Variants in RASAL2 observed in about 807,000 individuals in gnomAD.
RASAL2 encodes RAS protein activator like 2.
RASAL2 carries 58 observed loss-of-function variants against 128.9 expected under a neutral mutation model. That is an observed-to-expected ratio of 0.45 (90% confidence interval 0.36 to 0.56). RASAL2 has a LOEUF of 0.56. Among genes scored for constraint, RASAL2 ranks in the 20% least tolerant of loss-of-function variants. The pLI, the probability that RASAL2 is intolerant of heterozygous loss-of-function variation, is 0.00. For synonymous variants in RASAL2, 561 were observed against 580.8 expected, an observed-to-expected ratio of 0.97 and a Z score of 0.49; for missense variants, 1,360 against 1,601.6, an observed-to-expected ratio of 0.85 and a Z score of 2.57.
At chr1:178,158,959 A>G (rs1661180479) in intron 1 of RASAL2, among the ~76,000 whole-genome samples, 2 of 152,202 alleles carry the variant, frequency 1.3e-5, no homozygotes. Context: ...GATGACTTCT[A>G]GATGCTCAGG....
In RASAL2 at chr1:178,451,721, C is replaced by T; in HGVS notation, c.1772+6C>T. ...AAGATCATCAACTCTTACTGGTGAG[C>T]TTATCTTATCCTCTGCCTTACATTT... On this transcript the variant is annotated splice_donor_region_variant and intron_variant, in intron 10 of 17. Coordinates refer to ENST00000367649, the MANE Select transcript of RASAL2 (RefSeq NM_170692.4). 1 of 1,611,834 alleles carries T rather than the reference C, an allele frequency of 6.2e-7. No homozygotes were observed. Among genetic ancestry groups the T allele is most frequent in the South Asian group, 1.1e-5 (1 of 90,700 alleles).
Position 178,419,384 on chromosome 1 carries a change from C to A in RASAL2, c.565-1127C>A, listed in dbSNP as rs1674988465. ...GAACTCCTGAGTTCAAGCAATCCTC[C>A]CACATCATCCTCCTGAGTAGCTGGG... On this transcript the variant is annotated intron_variant, in intron 4 of 17. Transcript: ENST00000367649. Among the ~76,000 whole-genome samples, 3 of 152,234 alleles carry A rather than the reference C, an allele frequency of 2.0e-5. No homozygotes were observed. In the South Asian group the frequency reaches 6.2e-4, roughly 32 times the overall value.
At chr1:178,163,392 A>T (rs1197139654) in intron 1 of RASAL2, among the ~76,000 whole-genome samples, 1 of 152,132 alleles carries the variant, frequency 6.6e-6, no homozygotes, top group Non-Finnish European at 1.5e-5. Flanking sequence ...CCAAGGTCAA[A>T]CAGAATTGTG....
At chr1:178,473,016 A>T in intron 17 of RASAL2, 59 bp from the exon 18 acceptor site, 1 of 1,582,172 alleles carries the variant, frequency 6.3e-7, no homozygotes, top group Non-Finnish European at 8.7e-7. Context: ...TCATTCAGTA[A>T]AGAAAGCGTG....
chr1:178,124,668 C>T (rs1043751389), intron 1 of RASAL2, among the ~76,000 whole-genome samples: 6 of 152,018 alleles, frequency 3.9e-5, no homozygotes, highest in Non-Finnish European at 8.8e-5. Flanking sequence ...CTTTCAACAG[C>T]TTTAGTAAGA....
chr1:178,278,514 A>G (rs78432550), intron 1 of RASAL2, among the ~76,000 whole-genome samples: 9,381 of 152,252 alleles, frequency 0.062, 364 homozygotes, highest in Middle Eastern at 0.088. Context: ...TACCAATTGC[A>G]TTTAACATAT....
intron 1 of RASAL2, among the ~76,000 whole-genome samples, chr1:178,245,973 TGTA>T (rs1041919129): frequency 2.6e-5 from 4 of 152,188 alleles, no homozygotes; most frequent in Non-Finnish European, 4.4e-5. Flanking sequence ...ACTGTAGCCT[TGTA>T]GTATAGTTTG....
intron 5 of RASAL2, among the ~76,000 whole-genome samples, chr1:178,438,701 G>C (rs892848885): frequency 6.6e-6 from 1 of 151,974 alleles, no homozygotes; most frequent in Non-Finnish European, 1.5e-5. Context: ...TCTTCTAGAT[G>C]AGAGTTTGGG....
chr1:178,351,448 T>TA (rs531171785), intron 3 of RASAL2, among the ~76,000 whole-genome samples: 55 of 152,252 alleles, frequency 3.6e-4, no homozygotes, highest in Non-Finnish European at 6.6e-4. Flanking sequence ...ACTTCCAAGA[T>TA]ACAATGAAAG....
chr1:178,386,686 A>G (rs12022646), intron 3 of RASAL2, among the ~76,000 whole-genome samples: 15,374 of 152,288 alleles, frequency 0.1, 817 homozygotes, highest in Middle Eastern at 0.14. Context: ...TATCTGAAAC[A>G]ATACTGTATC....
At chr1:178,366,978 G>A (rs1431982679) in intron 3 of RASAL2, among the ~76,000 whole-genome samples, 1 of 152,096 alleles carries the variant, frequency 6.6e-6, no homozygotes, top group African/African-American at 2.4e-5. Flanking sequence ...CCATGAAAAT[G>A]TTCTGTAATT....
chr1:178,236,756 CTTTTTT>C (rs549848632), intron 1 of RASAL2, among the ~76,000 whole-genome samples: 1 of 118,428 alleles, frequency 8.4e-6, no homozygotes, highest in Non-Finnish European at 1.7e-5. Flanking sequence ...TTGGACACTA[CTTTTTT>C]TTTTTTTTTT....
intron 3 of RASAL2, among the ~76,000 whole-genome samples, chr1:178,338,730 A>G (rs895236700): frequency 5.9e-5 from 9 of 152,230 alleles, no homozygotes; most frequent in South Asian, 2.1e-4. Flanking sequence ...AGCACTTACT[A>G]TGTGGCAGAC....
intron 7 of RASAL2, among the ~76,000 whole-genome samples, chr1:178,441,900 T>C (rs1231687321): frequency 6.6e-6 from 1 of 152,152 alleles, no homozygotes; most frequent in African/African-American, 2.4e-5. Flanking sequence ...GGTGCTGTTA[T>C]CTGCTCAGCC....
At chr1:178,175,864 C>T (rs1661868772) in intron 1 of RASAL2, among the ~76,000 whole-genome samples, 1 of 152,082 alleles carries the variant, frequency 6.6e-6, no homozygotes, top group Admixed American at 6.6e-5. Context: ...CAAGTTGTTG[C>T]AAAAGACATT....
intron 1 of RASAL2, among the ~76,000 whole-genome samples, chr1:178,124,564 GAGTAGCTT>G (rs1659826921): frequency 6.6e-6 from 1 of 152,134 alleles, no homozygotes; most frequent in South Asian, 2.1e-4. Flanking sequence ...TTTTATAAAC[GAGTAGCTT>G]AGTAAGTTGT....
intron 14 of RASAL2, among the ~76,000 whole-genome samples, chr1:178,458,766 G>A (rs1480803144): frequency 6.6e-6 from 1 of 152,138 alleles, no homozygotes; most frequent in Admixed American, 6.5e-5. Context: ...AACACGCAGA[G>A]GCCCCCTTCC....
intron 5 of RASAL2, among the ~76,000 whole-genome samples, chr1:178,432,829 A>G (rs1462733384): frequency 6.6e-6 from 1 of 152,050 alleles, no homozygotes; most frequent in African/African-American, 2.4e-5. Context: ...TCAGATTACT[A>G]CCATAATCAA....
At chr1:178,121,133 C>G (rs902307205) in intron 1 of RASAL2, 1 of 152,192 alleles carries the variant, frequency 6.6e-6, no homozygotes, top group Non-Finnish European at 1.5e-5. Context: ...GAAATCTACC[C>G]CTAACTACTT....
Sources: gnomAD v4.1 joint callset for allele counts (sites outside exome capture counted in the v4.1 genomes callset) on GRCh38, gnomAD v4.1.1 for gene constraint, MANE v1.5 for transcripts, NCBI Gene and HGNC (gene_info 2026-07-23, HGNC 2026-07-21) for gene names.